SPRED2: variants seen among roughly 807,000 people sequenced by gnomAD.
SPRED2 encodes the protein sprouty-related, EVH1 domain-containing protein 2.
SPRED2 carries 47 observed loss-of-function variants against 43.0 expected under a neutral mutation model. That is an observed-to-expected ratio of 1.09 (90% confidence interval 0.87 to 1.40). The LOEUF (loss-of-function observed/expected upper bound fraction) is 1.40, where lower values mean the gene tolerates loss of function less well. Among genes scored for constraint, SPRED2 ranks in the 40% most tolerant of loss-of-function variants. The pLI is 0.00. For missense variants in SPRED2, 561 were observed against 586.4 expected (o/e 0.96, Z 0.45); for synonymous variants, 225 against 225.7 (o/e 1.00, Z 0.03).
intron 4 of SPRED2, among the ~76,000 whole-genome samples, chr2:65,328,478 G>A (rs1673710509): frequency 6.6e-6 from 1 of 152,170 alleles, no homozygotes; most frequent in Non-Finnish European, 1.5e-5. Context: ...TCGCTGAGCT[G>A]TGGTGGCTTT....
At chr2:65,388,030 T>C (rs1196526122) in intron 1 of SPRED2, among the ~76,000 whole-genome samples, 1 of 152,142 alleles carries the variant, frequency 6.6e-6, no homozygotes, top group Non-Finnish European at 1.5e-5. Flanking sequence ...TGACCTCAAG[T>C]GATCTGCCTC....
chr2:65,353,512 C>CA (rs765439775), intron 1 of SPRED2, among the ~76,000 whole-genome samples: 3 of 152,166 alleles, frequency 2.0e-5, no homozygotes, highest in African/African-American at 4.8e-5. Flanking sequence ...ATTAACAAGT[C>CA]AAAGTTTGCT....
chr2:65,316,723 C>T lies in SPRED2; in HGVS notation c.588+11G>A, dbSNP rs558349181. ...CCCTGATGCCCTCAGAGGAACAGGG[C>T]TGCTGCTCACCTGATCGAGGTGATA... On this transcript the variant is annotated intron_variant, in intron 5 of 5. Transcript: ENST00000356388. 5.0e-6 allele frequency: 8 copies of T among 1,604,268 alleles called. No individual in the cohort carries two copies. The African/African-American group carries it at 1.1e-4, about 21-fold the overall frequency.
chr2:65,332,095 A>C (rs1455031947), intron 3 of SPRED2, 44 bp from the exon 4 acceptor site: 1 of 1,284,496 alleles, frequency 7.8e-7, no homozygotes, highest in Non-Finnish European at 1.1e-6. Context: ...CCAAGAGGAT[A>C]CATCAAATCC....
At chr2:65,401,973 A>ACACACACACACACAC (rs770117392) in intron 1 of SPRED2, among the ~76,000 whole-genome samples, 1 of 148,352 alleles carries the variant, frequency 6.7e-6, no homozygotes, top group Non-Finnish European at 1.5e-5. Context: ...ACACACACAC[A>ACACACACACACACAC]CCTGTTAATT....
At position 65,312,710 on chromosome 2, in the gene SPRED2, G is replaced by A; in HGVS notation, c.*791C>T. The A allele has an allele frequency of 1.0e-6, 1 of 985,846 alleles. No homozygotes were observed. The highest frequency in any genetic ancestry group is 1.7e-5 in the African/African-American group (1 of 57,350). 61.1% of individuals were successfully genotyped at this position (985,846 alleles called of 1,614,324 possible). ...AACCTGAAATCCCCATTCTAGCCCT[G>A]GTCCAAGAGGATGCAATGCAGTTGA... On this transcript the variant is annotated 3_prime_UTR_variant, in exon 6 of 6. Coordinates refer to ENST00000356388, the MANE Select transcript of SPRED2 (RefSeq NM_181784.3).
intron 1 of SPRED2, among the ~76,000 whole-genome samples, chr2:65,385,824 C>T (rs187370923): frequency 2.6e-5 from 4 of 152,274 alleles, no homozygotes; most frequent in Admixed American, 6.5e-5. Flanking sequence ...TCCCCACTCC[C>T]CTAATAAATG....
At chr2:65,390,476 G>A (rs561514559) in intron 1 of SPRED2, among the ~76,000 whole-genome samples, 38 of 152,308 alleles carry the variant, frequency 2.5e-4, no homozygotes, top group African/African-American at 8.4e-4. Flanking sequence ...GCAGCAAGAG[G>A]AGAGGCTGGA....
intron 1 of SPRED2, chr2:65,374,197 C>G (rs1451316243): frequency 6.6e-6 from 1 of 152,092 alleles, no homozygotes; most frequent in Non-Finnish European, 1.5e-5. Flanking sequence ...GTTCAGCTTC[C>G]CAGAGGGGCA....
intron 1 of SPRED2, among the ~76,000 whole-genome samples, chr2:65,367,401 A>G (rs1321578079): frequency 6.6e-6 from 1 of 152,232 alleles, no homozygotes; most frequent in Non-Finnish European, 1.5e-5. Context: ...TAGTGCGTAT[A>G]TGCAGGCTGA....
intron 1 of SPRED2, among the ~76,000 whole-genome samples, chr2:65,347,583 C>G (rs1269451662): frequency 6.6e-6 from 1 of 152,138 alleles, no homozygotes; most frequent in Non-Finnish European, 1.5e-5. Flanking sequence ...TACCAGCACT[C>G]TCTCCGCCCT....
At chr2:65,371,911 A>G (rs893297605) in intron 1 of SPRED2, among the ~76,000 whole-genome samples, 10 of 152,110 alleles carry the variant, frequency 6.6e-5, no homozygotes, top group Non-Finnish European at 1.5e-5. Context: ...GCCCGTCTCT[A>G]CTAAAAATAC....
chr2:65,372,717 C>A (rs1675155150), intron 1 of SPRED2, among the ~76,000 whole-genome samples: 1 of 152,134 alleles, frequency 6.6e-6, no homozygotes, highest in Non-Finnish European at 1.5e-5. Flanking sequence ...ACAGGCTGAA[C>A]AATGAGGTCT....
At chr2:65,322,766 G>A (rs1036538046) in intron 4 of SPRED2, among the ~76,000 whole-genome samples, 2 of 152,118 alleles carry the variant, frequency 1.3e-5, no homozygotes, top group Non-Finnish European at 2.9e-5. Context: ...TAATTGGAGT[G>A]ATTATAAAGT....
intron 1 of SPRED2, among the ~76,000 whole-genome samples, chr2:65,418,414 T>A (rs1676338519): frequency 6.6e-6 from 1 of 152,214 alleles, no homozygotes; most frequent in South Asian, 2.1e-4. Context: ...CTCTCCACCT[T>A]GCTGACCTGT....
chr2:65,334,633 T>C lies in SPRED2; in HGVS notation c.345A>G (p.Val115=). The change falls in exon 3 of 6, where the codon GTA becomes GTG. Residue 115 remains valine, a synonymous_variant. Transcript: ENST00000356388. The part of the protein sequence containing the change: ...PADARAFDRG[V]RKAIEDLIEG... Reference sequence around the variant, plus strand: ...CTATAAGGTCTTCGATTGCTTTCCTTACTCCCCTGTCAAAGGCTCGGGCAT... The same window carrying C: ...CTATAAGGTCTTCGATTGCTTTCCTCACTCCCCTGTCAAAGGCTCGGGCAT... 1 of 1,614,262 alleles carries C rather than the reference T, an allele frequency of 6.2e-7. No individual in the cohort carries two copies. The highest frequency in any genetic ancestry group is 8.5e-7 in the Non-Finnish European group (1 of 1,180,038).
chr2:65,429,374 G>A, intron 1 of SPRED2, among the ~76,000 whole-genome samples: 1 of 152,146 alleles, frequency 6.6e-6, no homozygotes, highest in East Asian at 1.9e-4. Context: ...AGGTATCTGA[G>A]AGACCTCAAA....
At chr2:65,385,407 G>A (rs543241584) in intron 1 of SPRED2, among the ~76,000 whole-genome samples, 11 of 152,334 alleles carry the variant, frequency 7.2e-5, no homozygotes, top group African/African-American at 2.2e-4. Flanking sequence ...GTTGGAGGGC[G>A]TCTGAACAGG....
At chr2:65,423,197 A>G (rs1676477563) in intron 1 of SPRED2, among the ~76,000 whole-genome samples, 1 of 152,202 alleles carries the variant, frequency 6.6e-6, no homozygotes, top group Non-Finnish European at 1.5e-5. Context: ...TCCTAAGAGG[A>G]TGGTCAGTCC....
Sources: gnomAD v4.1 joint callset for allele counts (sites outside exome capture counted in the v4.1 genomes callset) on GRCh38, gnomAD v4.1.1 for gene constraint, MANE v1.5 for transcripts, NCBI Gene and HGNC (gene_info 2026-07-23, HGNC 2026-07-21) for gene names.